Variants in XKR9 observed in about 807,000 individuals in gnomAD.
XKR9 encodes the protein XK related 9.
In XKR9, 32 loss-of-function variants were observed where a neutral mutation model predicts 32.0. The observed-to-expected ratio is 1.00, with a 90% CI of 0.76 to 1.34. The LOEUF (loss-of-function observed/expected upper bound fraction) is 1.34. Ranked by LOEUF, XKR9 falls within the 40% of genes most tolerant of loss-of-function variation. The probability of loss-of-function intolerance (pLI) is 0.00; values close to 1 mark genes in which losing one functional copy is unlikely to be tolerated. For missense variants in XKR9, 546 were observed against 429.7 expected (o/e 1.27, Z -2.39); for synonymous variants, 168 against 143.4 (o/e 1.17, Z -1.22).
At chr8:70,750,866 ATGT>A (rs1409971013) in intron 2 of XKR9, among the ~76,000 whole-genome samples, 5 of 152,330 alleles carry the variant, frequency 3.3e-5, no homozygotes, top group South Asian at 4.1e-4. Flanking sequence ...GTGGTCAAAA[ATGT>A]TGTACTGGAT....
At chr8:70,833,224 A>G in the XKR9 span, among the ~76,000 whole-genome samples, 2 of 152,176 alleles carry the variant, frequency 1.3e-5, no homozygotes, top group Non-Finnish European at 2.9e-5. Context: ...GTATTTAACC[A>G]ACTTGAGTCA....
At chr8:70,814,618 A>T in the XKR9 span, among the ~76,000 whole-genome samples, 1 of 152,164 alleles carries the variant, frequency 6.6e-6, no homozygotes, top group African/African-American at 2.4e-5. Flanking sequence ...GCCATATATG[A>T]CAAAACCATT....
At chr8:70,813,180 C>G in the XKR9 span, among the ~76,000 whole-genome samples, 5 of 152,290 alleles carry the variant, frequency 3.3e-5, no homozygotes, top group African/African-American at 7.2e-5. Flanking sequence ...TTGACAAAAA[C>G]AAGCAATGGG....
intron 4 of XKR9, among the ~76,000 whole-genome samples, chr8:70,719,376 G>T (rs1205763487): frequency 1.3e-5 from 2 of 152,002 alleles, no homozygotes; most frequent in African/African-American, 4.8e-5. Context: ...TGAAGACTTT[G>T]CCCATGCCTA....
intron 3 of XKR9, among the ~76,000 whole-genome samples, chr8:70,682,089 T>C (rs530186694): frequency 6.6e-5 from 10 of 152,282 alleles, no homozygotes; most frequent in African/African-American, 1.7e-4. Context: ...GTTTTTAATA[T>C]GTAAAAGAAA....
the XKR9 span, among the ~76,000 whole-genome samples, chr8:70,919,836 A>C: frequency 6.6e-6 from 1 of 152,218 alleles, no homozygotes; most frequent in Non-Finnish European, 1.5e-5. Flanking sequence ...GATCAAGAGG[A>C]ATGTGAAAAT....
At chr8:70,757,601 A>G (rs1422643694) in intron 2 of XKR9, among the ~76,000 whole-genome samples, 1 of 151,850 alleles carries the variant, frequency 6.6e-6, no homozygotes, top group Non-Finnish European at 1.5e-5. Context: ...GTATTTATTT[A>G]TTTATGACAG....
intron 2 of XKR9, among the ~76,000 whole-genome samples, chr8:70,778,168 A>C (rs1807559874): frequency 6.6e-6 from 1 of 152,218 alleles, no homozygotes; most frequent in Non-Finnish European, 1.5e-5. Flanking sequence ...AGCTTTCTAC[A>C]TATGGCTACC....
the XKR9 span, among the ~76,000 whole-genome samples, chr8:70,945,285 G>T: frequency 6.6e-6 from 1 of 152,184 alleles, no homozygotes; most frequent in Non-Finnish European, 1.5e-5. Flanking sequence ...TTAATAGCAA[G>T]ACCTTGGGCA....
chr8:70,991,635 A>G, the XKR9 span, among the ~76,000 whole-genome samples: 1 of 152,188 alleles, frequency 6.6e-6, no homozygotes, highest in African/African-American at 2.4e-5. Context: ...AAGCTCCAAG[A>G]AAACTGAAGA....
the XKR9 span, among the ~76,000 whole-genome samples, chr8:70,847,777 A>G: frequency 6.6e-6 from 1 of 152,014 alleles, no homozygotes; most frequent in Non-Finnish European, 1.5e-5. Context: ...CCATGAAGAA[A>G]TAGAAAACCT....
At chr8:70,990,725 G>A in the XKR9 span, among the ~76,000 whole-genome samples, 1 of 143,312 alleles carries the variant, frequency 7.0e-6, no homozygotes, top group Non-Finnish European at 1.5e-5. Flanking sequence ...AGGAAGTTTT[G>A]GCAGAATAAG....
At chr8:70,911,312 C>A in the XKR9 span, among the ~76,000 whole-genome samples, 1 of 152,176 alleles carries the variant, frequency 6.6e-6, no homozygotes, top group African/African-American at 2.4e-5. Flanking sequence ...TCATTTTCAA[C>A]ATCTTGCTTA....
At chr8:70,867,889 G>T in the XKR9 span, among the ~76,000 whole-genome samples, 3 of 152,180 alleles carry the variant, frequency 2.0e-5, no homozygotes, top group Non-Finnish European at 4.4e-5. Context: ...AGATACAATG[G>T]GGGTATAGGC....
chr8:71,021,687 G>C, the XKR9 span, among the ~76,000 whole-genome samples: 4 of 151,894 alleles, frequency 2.6e-5, no homozygotes, highest in African/African-American at 9.7e-5. Flanking sequence ...ATTTTTAGTA[G>C]AGACGGGGTT....
Position 70,707,232 on chromosome 8 carries a change from T to C in XKR9, c.493+79T>C. 3.7e-6 allele frequency: 4 copies of C among 1,078,378 alleles called. No individual in the cohort carries two copies. In the South Asian group the frequency reaches 6.8e-5, roughly 18 times the overall value. 66.8% of individuals were successfully genotyped at this position (1,078,378 alleles called of 1,614,324 possible). On this transcript the variant is annotated intron_variant, in intron 4 of 4. Transcript: ENST00000408926. Reference sequence around the variant, plus strand: ...AACTATATAAATCTTTGGCTGACTTTAGAAATTTTTAATACTTTAAAAATT... The same window carrying C: ...AACTATATAAATCTTTGGCTGACTTCAGAAATTTTTAATACTTTAAAAATT...
chr8:70,879,911 A>G, the XKR9 span, among the ~76,000 whole-genome samples: 1 of 152,222 alleles, frequency 6.6e-6, no homozygotes, highest in African/African-American at 2.4e-5. Context: ...GCAGCATATC[A>G]AAAAGCTTAT....
At chr8:70,775,281 C>G (rs1807504011) in intron 2 of XKR9, among the ~76,000 whole-genome samples, 2 of 152,018 alleles carry the variant, frequency 1.3e-5, no homozygotes, top group African/African-American at 4.8e-5. Flanking sequence ...ACAATTTTGG[C>G]TCTTTTTTTC....
the XKR9 span, among the ~76,000 whole-genome samples, chr8:70,929,996 C>T: frequency 6.6e-6 from 1 of 152,178 alleles, no homozygotes; most frequent in South Asian, 2.1e-4. Context: ...CTTCAGATTT[C>T]CAATGCTAAT....
Sources: gnomAD v4.1 joint callset for allele counts (sites outside exome capture counted in the v4.1 genomes callset) on GRCh38, gnomAD v4.1.1 for gene constraint, MANE v1.5 for transcripts, NCBI Gene and HGNC (gene_info 2026-07-23, HGNC 2026-07-21) for gene names.